RFX2: variants seen among roughly 807,000 people sequenced by gnomAD.
RFX2 encodes regulatory factor X2, also known as DNA-binding protein RFX2.
A neutral mutation model predicts 87.8 loss-of-function variants in RFX2; 20 were observed. The ratio of observed to expected loss-of-function variants is 0.23; its 90% CI spans 0.16 to 0.33. RFX2 has a LOEUF of 0.33. RFX2 is among the 10% of genes least tolerant of loss of function. The pLI, the probability that RFX2 is intolerant of heterozygous loss-of-function variation, is 1.00. For missense variants in RFX2, 767 were observed against 1,012.3 expected, an observed-to-expected ratio of 0.76 and a Z score of 3.29; for synonymous variants, 397 against 431.3, an observed-to-expected ratio of 0.92 and a Z score of 0.98.
intron 15 of RFX2, among the ~76,000 whole-genome samples, chr19:6,000,648 G>A (rs147631118): frequency 5.3e-5 from 8 of 152,342 alleles, no homozygotes; most frequent in Non-Finnish European, 7.4e-5. Context: ...CTTGCCTGCC[G>A]CCATGGAAGA....
At chr19:6,038,038 A>G (rs1447374910) in intron 5 of RFX2, among the ~76,000 whole-genome samples, 1 of 152,168 alleles carries the variant, frequency 6.6e-6, no homozygotes, top group East Asian at 1.9e-4. Context: ...GTAAAATGTA[A>G]AACTATGGTC....
In RFX2 at chr19:6,026,140, T is replaced by A; in HGVS notation, c.597+23A>T. ...GGTTACAAGCAGAGCAGGGACAGGT[T>A]GCCAGGTCAGACGCACACTTACATG... On this transcript the variant is annotated intron_variant, in intron 6 of 17. Transcript: ENST00000303657. The surrounding 1 kb of genome is among the most constrained non-coding windows in gnomAD (Gnocchi z 4.5). 6.3e-7 allele frequency: 1 copy of A among 1,599,172 alleles called. No individual in the cohort carries two copies. The highest frequency in any genetic ancestry group is 8.6e-7 in the Non-Finnish European group (1 of 1,167,832).
In RFX2 at chr19:6,007,273, G is replaced by C. The variant is rs1024064409; in HGVS notation, c.1248-107C>G. 1 of 1,216,784 alleles carries C rather than the reference G, an allele frequency of 8.2e-7. No individual in the cohort carries two copies. The highest frequency in any genetic ancestry group is 1.2e-6 in the Non-Finnish European group (1 of 868,530). 75.4% of individuals were successfully genotyped at this position (1,216,784 alleles called of 1,614,324 possible). On this transcript the variant is annotated intron_variant, in intron 11 of 17. Coordinates refer to ENST00000303657, the MANE Select transcript of RFX2 (RefSeq NM_000635.4). This position sits in a 1 kb window ranked among gnomAD's most constrained non-coding sequence, Gnocchi z 8.2. ...CTGCGGGACTTTTGCCCAACAGTGGGGCTGGGGTTTTGCTCCCCATCCCTG... is the reference window on the plus strand; with the variant it reads ...CTGCGGGACTTTTGCCCAACAGTGGCGCTGGGGTTTTGCTCCCCATCCCTG...
rs2086890250 is a variant in RFX2, at chr19:6,026,504, T to C, written c.523-267A>G. The C allele has an allele frequency of 1.9e-6, 1 of 538,220 alleles. No individual in the cohort carries two copies. The highest frequency in any genetic ancestry group is 1.9e-5 in the African/African-American group (1 of 52,446). 33.3% of individuals were successfully genotyped at this position (538,220 alleles called of 1,614,324 possible). A position where few individuals can be genotyped will look rare whatever the true frequency, so the allele number is the denominator to read the frequency against. On this transcript the variant is annotated intron_variant, in intron 5 of 17. Coordinates refer to ENST00000303657, the MANE Select transcript of RFX2 (RefSeq NM_000635.4). The surrounding 1 kb of genome is among the most constrained non-coding windows in gnomAD (Gnocchi z 4.5). ...GCAGCAGAAATCATGTTGTAAAAAC[T>C]TGCTACTGAACTTTAACCTGGCATA...
At position 6,022,217 on chromosome 19, in the gene RFX2, A is replaced by G. The variant is rs1266875819; in HGVS notation, c.597+3946T>C. Among the ~76,000 whole-genome samples the G allele has an allele frequency of 3.9e-5, 6 of 152,170 alleles. No homozygotes were observed. Among genetic ancestry groups the G allele is most frequent in the Non-Finnish European group, 8.8e-5 (6 of 68,018 alleles). On this transcript the variant is annotated intron_variant, in intron 6 of 17. Coordinates refer to ENST00000303657, the MANE Select transcript of RFX2 (RefSeq NM_000635.4). This position sits in a 1 kb window ranked among gnomAD's most constrained non-coding sequence, Gnocchi z 6.2. Reference sequence around the variant, plus strand: ...CGAGGCAGGCAGGAATTCCAAGGGAAAACAGCGGCACTTCTGGACAGAGGC... The same window carrying G: ...CGAGGCAGGCAGGAATTCCAAGGGAGAACAGCGGCACTTCTGGACAGAGGC...
intron 1 of RFX2, among the ~76,000 whole-genome samples, chr19:6,107,561 G>A (rs987258744): frequency 4.5e-5 from 6 of 132,202 alleles, no homozygotes; most frequent in Non-Finnish European, 9.2e-5. Flanking sequence ...ATGTTAAGGT[G>A]AGCTGAGATC....
intron 6 of RFX2, among the ~76,000 whole-genome samples, chr19:6,019,599 T>C (rs1463084183): frequency 6.8e-6 from 1 of 147,864 alleles, no homozygotes; most frequent in Admixed American, 6.8e-5. Context: ...TATATATATA[T>C]ATATATTTAG....
Position 6,084,643 on chromosome 19 carries a change from CT to C in RFX2, c.-9+25749del, listed in dbSNP as rs57501118. Among the ~76,000 whole-genome samples the C allele has an allele frequency of 5.5e-5, 8 of 145,366 alleles. 1 individual carries two copies. The highest frequency in any genetic ancestry group is 2.2e-4 in the African/African-American group (8 of 36,700). On this transcript the variant is annotated intron_variant, in intron 1 of 17. Coordinates refer to ENST00000303657, the MANE Select transcript of RFX2 (RefSeq NM_000635.4). ...TGTCCTTTTTTTTCTTTCTTTCTTT[CT>C]TTTTTTTGAGACAGAATCTCGCTCT...
intron 1 of RFX2, among the ~76,000 whole-genome samples, chr19:6,102,105 C>T (rs2088136274): frequency 6.6e-6 from 1 of 152,176 alleles, no homozygotes; most frequent in East Asian, 1.9e-4. Context: ...GACATGAAAA[C>T]ATGGGCCGCC....
chr19:6,078,177 G>C (rs530104546), intron 1 of RFX2: 1 of 151,996 alleles, frequency 6.6e-6, no homozygotes, highest in East Asian at 1.9e-4. Context: ...CCCGGGGCTG[G>C]GAGGAGGAAG....
rs1401655200 is a variant in RFX2, at chr19:6,007,643, G to C, written c.1247+47C>G. 4 of 1,145,640 alleles carry C rather than the reference G, an allele frequency of 3.5e-6. No individual in the cohort carries two copies. The Admixed American group carries it at 7.9e-5, about 23-fold the overall frequency. The allele number at this position is 1,145,640 out of a possible 1,614,324, so 71.0% of individuals were successfully genotyped here. A position where few individuals can be genotyped will look rare whatever the true frequency, so the allele number is the denominator to read the frequency against. On this transcript the variant is annotated intron_variant, in intron 11 of 17. Transcript: ENST00000303657. The surrounding 1 kb of genome is among the most constrained non-coding windows in gnomAD (Gnocchi z 8.2). ...GGGTTACCTGTGGACGTCAGCAGGG[G>C]GTTAAGTCTGGGGTGGCTGTGAACC...
chr19:6,038,344 A>AC (rs1568518817), intron 5 of RFX2, among the ~76,000 whole-genome samples: 5 of 150,710 alleles, frequency 3.3e-5, no homozygotes, highest in South Asian at 4.2e-4. Context: ...AAAAAAAAAA[A>AC]AAAAAAAACC....
intron 1 of RFX2, among the ~76,000 whole-genome samples, chr19:6,077,928 C>T (rs1356064107): frequency 7.1e-6 from 1 of 141,468 alleles, no homozygotes; most frequent in Non-Finnish European, 1.5e-5. Context: ...TGCAGTGAGC[C>T]AAGATCGCGC....
intron 1 of RFX2, among the ~76,000 whole-genome samples, chr19:6,052,350 A>T (rs967693193): frequency 2.6e-5 from 4 of 152,244 alleles, no homozygotes; most frequent in Admixed American, 2.6e-4. Flanking sequence ...GATTACAGAT[A>T]TGTATGTACC....
At chr19:6,041,120 G>C (rs944706550) in intron 4 of RFX2, among the ~76,000 whole-genome samples, 1 of 152,118 alleles carries the variant, frequency 6.6e-6, no homozygotes, top group Non-Finnish European at 1.5e-5. Context: ...CCAGACTTGA[G>C]TGCAGTGGCA....
At chr19:6,066,950 A>G (rs957839114) in intron 1 of RFX2, among the ~76,000 whole-genome samples, 2 of 152,158 alleles carry the variant, frequency 1.3e-5, no homozygotes, top group African/African-American at 4.8e-5. Flanking sequence ...CCTCTCAAAT[A>G]TGTAATCTAT....
intron 1 of RFX2, among the ~76,000 whole-genome samples, chr19:6,058,459 A>G (rs999527618): frequency 1.3e-4 from 20 of 152,202 alleles, no homozygotes; most frequent in African/African-American, 4.6e-4. Flanking sequence ...TCAGCCAGGC[A>G]AGGAGTGTGA....
chr19:6,019,544 GTA>G lies in RFX2; in HGVS notation c.598-3275_598-3274del, dbSNP rs1555774669. ...TGTGTGTGTGTGTGTGTGTGTGTGT[GTA>G]TATACTTTTATATACTTTTTTTTTT... On this transcript the variant is annotated intron_variant, in intron 6 of 17. Coordinates refer to ENST00000303657, the MANE Select transcript of RFX2 (RefSeq NM_000635.4). 2.5e-3 allele frequency among the ~76,000 whole-genome samples: 354 copies of G among 143,150 alleles called. 5 individuals are homozygous for G. The highest frequency in any genetic ancestry group is 8.7e-3 in the African/African-American group (321 of 36,936). The allele number at this position is 143,150 out of a possible 152,430, so 93.9% of individuals were successfully genotyped here. A position where few individuals can be genotyped will look rare whatever the true frequency, so the allele number is the denominator to read the frequency against.
intron 1 of RFX2, among the ~76,000 whole-genome samples, chr19:6,108,124 G>T (rs1408371155): frequency 6.6e-6 from 1 of 152,198 alleles, no homozygotes; most frequent in Non-Finnish European, 1.5e-5. Flanking sequence ...CAAGTCCGTT[G>T]AACTGTCACA....
Sources: gnomAD v4.1 joint callset for allele counts (sites outside exome capture counted in the v4.1 genomes callset) on GRCh38, gnomAD v4.1.1 for gene constraint, Gnocchi (gnomAD v3.1) non-coding constraint, MANE v1.5 for transcripts, NCBI Gene and HGNC (gene_info 2026-07-23, HGNC 2026-07-21) for gene names.